PEX26: variants seen among roughly 807,000 people sequenced by gnomAD.
PEX26 encodes the protein peroxisomal biogenesis factor 26.
A neutral mutation model predicts 31.4 loss-of-function variants in PEX26; 18 were observed. The observed-to-expected ratio is 0.57, with a 90% CI of 0.40 to 0.85. The LOEUF is 0.85. PEX26 is among the 40% of genes least tolerant of loss of function. The pLI is 0.00. For missense variants in PEX26, 377 were observed against 383.9 expected (o/e 0.98, Z 0.15); for synonymous variants, 176 against 166.9 (o/e 1.05, Z -0.42).
Position 18,078,581 on chromosome 22 carries a change from G to A in PEX26, c.205G>A (p.Ala69Thr), listed in dbSNP as rs372192286. Residue 69 changes from alanine (A) to threonine (T), a missense_variant, in exon 1 of 5, where the codon GCC becomes ACC. Coordinates refer to ENST00000399744, the MANE Select transcript of PEX26 (RefSeq NM_001127649.3). ...ERAWQSLANH[A>T]VAEEPAGTSL... ...GGCCTGGCAGAGTCTGGCCAACCAC[G>A]CCGTGGCAGAGGAACCCGCGGGCAC... 7 of 1,599,610 alleles carry A rather than the reference G, an allele frequency of 4.4e-6. No homozygotes were observed. Among genetic ancestry groups the A allele is most frequent in the Non-Finnish European group, 6.0e-6 (7 of 1,175,682 alleles).
rs963146393 is a variant in PEX26 at position 18,090,726 on chromosome 22, C to T, written c.*2651C>T. On this transcript the variant is annotated 3_prime_UTR_variant, in exon 5 of 5. Transcript: ENST00000399744. ...GAACAGATACCTTTAAATTTAGGGG[C>T]GCTAAGGAAAGCAGGAACCAGTAAT... 1.4e-5 allele frequency: 2 copies of T among 142,968 alleles called. No homozygotes were observed. The highest frequency in any genetic ancestry group is 2.6e-5 in the African/African-American group (1 of 38,656). The allele number at this position is 142,968 out of a possible 1,614,324, so 8.9% of individuals were successfully genotyped here.
In PEX26 at chr22:18,085,158, G is replaced by A. The variant is rs1159968277; in HGVS notation, c.714G>A (p.Gln238=). ...KFLSLPMLVR[Q]LWDSAVSHFF... is the part of the protein sequence containing the mutation. Reference sequence around the variant, plus strand: ...TGTCACTACCGATGTTGGTTCGCCAGCTTTGGGACTCTGCGGTGAGCCACT... The same window carrying A: ...TGTCACTACCGATGTTGGTTCGCCAACTTTGGGACTCTGCGGTGAGCCACT... The change falls in exon 4 of 5, where the codon CAG becomes CAA. Residue 238 remains glutamine, a synonymous_variant. Transcript: ENST00000399744. 1.2e-6 allele frequency: 2 copies of A among 1,614,068 alleles called. No homozygotes were observed. Among genetic ancestry groups the A allele is most frequent in the East Asian group, 2.2e-5 (1 of 44,886 alleles).
intron 2 of PEX26, among the ~76,000 whole-genome samples, chr22:18,081,930 G>A (rs1272617841): frequency 6.6e-6 from 1 of 152,166 alleles, no homozygotes; most frequent in African/African-American, 2.4e-5. Flanking sequence ...GAGCGAGGTA[G>A]TGTCTCATTG....
chr22:18,097,853 T>C lies in PEX26; in HGVS notation c.*9778T>C, dbSNP rs894525260. The C allele has an allele frequency of 1.3e-5, 2 of 152,238 alleles. No homozygotes were observed. The highest frequency in any genetic ancestry group is 2.9e-5 in the Non-Finnish European group (2 of 68,054). The allele number at this position is 152,238 out of a possible 1,614,324, so 9.4% of individuals were successfully genotyped here. A position where few individuals can be genotyped will look rare whatever the true frequency, so the allele number is the denominator to read the frequency against. On this transcript the variant is annotated 3_prime_UTR_variant, in exon 5 of 5. Transcript: ENST00000399744. ...ACCACACCCAGATGATTTTTTTATT[T>C]TTCAAAGAAGTGGCATGATTTTGAT...
chr22:18,078,331 G>A lies in PEX26; in HGVS notation c.-46G>A, dbSNP rs760205716. 8 of 1,394,174 alleles carry A rather than the reference G, an allele frequency of 5.7e-6. No individual in the cohort carries two copies. Among genetic ancestry groups the A allele is most frequent in the Admixed American group, 5.4e-5 (3 of 55,544 alleles). The allele number at this position is 1,394,174 out of a possible 1,614,324, so 86.4% of individuals were successfully genotyped here. A position where few individuals can be genotyped will look rare whatever the true frequency, so the allele number is the denominator to read the frequency against. ...GATATCCCGGAGCCTCTGGGGAGGC[G>A]GTCACTCCGACGTCTGAGGACCTGG... On this transcript the variant is annotated 5_prime_UTR_variant, in exon 1 of 5. Transcript: ENST00000399744.
At chr22:18,078,808 G>T (rs548829758) in intron 1 of PEX26, 1 of 704,350 alleles carries the variant, frequency 1.4e-6, no homozygotes, top group Non-Finnish European at 2.6e-6. Context: ...ACTTAGTGGG[G>T]ATCCCACAGC....
intron 1 of PEX26, chr22:18,079,010 C>T (rs2123645697): frequency 2.7e-6 from 1 of 371,552 alleles, no homozygotes; most frequent in South Asian, 2.1e-5. Flanking sequence ...GCAGGAGCAG[C>T]GTTCTGGTCC....
In PEX26 at chr22:18,104,930, T is replaced by G. The variant is rs1044617714; in HGVS notation, c.*16855T>G. ...ACTTCCCTTAATCCCCTGCAGCATC[T>G]GAGACACATGGGTGAATGTATGTAA... is the stretch of plus-strand genomic sequence containing the variant. On this transcript the variant is annotated 3_prime_UTR_variant, in exon 5 of 5. Transcript: ENST00000399744. The G allele has an allele frequency of 7.9e-5, 12 of 152,192 alleles. No homozygotes were observed. The highest frequency in any genetic ancestry group is 3.9e-4 in the Admixed American group (6 of 15,244). The allele number at this position is 152,192 out of a possible 1,614,324, so 9.4% of individuals were successfully genotyped here.
rs1011510516 is a variant in PEX26 at position 18,096,351 on chromosome 22, A to G, written c.*8276A>G. On this transcript the variant is annotated 3_prime_UTR_variant, in exon 5 of 5. Transcript: ENST00000399744. ...GAACCCAGCATCTTGTGAACATCAG[A>G]CCACAGAAAAGGCAGCACTTCTGAT... 6.6e-6 allele frequency: 1 copy of G among 152,106 alleles called. No individual in the cohort carries two copies. Among genetic ancestry groups the G allele is most frequent in the African/African-American group, 2.4e-5 (1 of 41,404 alleles). The allele number at this position is 152,106 out of a possible 1,614,324, so 9.4% of individuals were successfully genotyped here. A position where few individuals can be genotyped will look rare whatever the true frequency, so the allele number is the denominator to read the frequency against.
rs898374461 is a variant in PEX26 at position 18,101,618 on chromosome 22, A to C, written c.*13543A>C. ...GACCCTTCCCTAATGCCCAGGATCA[A>C]GAAAAGAATGTGGCCACCTTCCAAG... On this transcript the variant is annotated 3_prime_UTR_variant, in exon 5 of 5. Transcript: ENST00000399744. 4.5e-5 allele frequency: 9 copies of C among 198,082 alleles called. No homozygotes were observed. The highest frequency in any genetic ancestry group is 8.2e-5 in the Non-Finnish European group (8 of 97,098). 12.3% of individuals were successfully genotyped at this position (198,082 alleles called of 1,614,324 possible). A position where few individuals can be genotyped will look rare whatever the true frequency, so the allele number is the denominator to read the frequency against.
chr22:18,080,506 G>C (rs1926524207), intron 2 of PEX26, among the ~76,000 whole-genome samples: 1 of 151,958 alleles, frequency 6.6e-6, no homozygotes, highest in Non-Finnish European at 1.5e-5. Context: ...ATTTTTTTGT[G>C]TTTTAAGTAG....
At position 18,100,552 on chromosome 22, in the gene PEX26, A is replaced by G. The variant is rs1927422908; in HGVS notation, c.*12477A>G. ...TTGTGGCTCCAACTTTAAAACCAGAATAACCAAGTGAAAAGTCAGTACAGA... is the reference window on the plus strand; with the variant it reads ...TTGTGGCTCCAACTTTAAAACCAGAGTAACCAAGTGAAAAGTCAGTACAGA... On this transcript the variant is annotated 3_prime_UTR_variant, in exon 5 of 5. Transcript: ENST00000399744. The G allele has an allele frequency of 6.6e-6, 1 of 152,246 alleles. No homozygotes were observed. Among genetic ancestry groups the G allele is most frequent in the Admixed American group, 6.5e-5 (1 of 15,280 alleles). The allele number at this position is 152,246 out of a possible 1,614,324, so 9.4% of individuals were successfully genotyped here. A position where few individuals can be genotyped will look rare whatever the true frequency, so the allele number is the denominator to read the frequency against.
At position 18,085,125 on chromosome 22, in the gene PEX26, C is replaced by T. The variant is rs1926787883; in HGVS notation, c.681C>T (p.His227=). 2 of 1,614,124 alleles carry T rather than the reference C, an allele frequency of 1.2e-6. No individual in the cohort carries two copies. Among genetic ancestry groups the T allele is most frequent in the Non-Finnish European group, 1.7e-6 (2 of 1,180,014 alleles). The change falls in exon 4 of 5, where the codon CAC becomes CAT. Residue 227 remains histidine, a synonymous_variant. Transcript: ENST00000399744. ...CTCCCTGGCCAGGCTCTGTCTCCCA[C>T]AAGTTCCTGTCACTACCGATGTTGG... ...QKPNLEGSVS[H]KFLSLPMLVR... is the part of the protein sequence containing the mutation.
At position 18,099,202 on chromosome 22, in the gene PEX26, C is replaced by G. The variant is rs1032358352; in HGVS notation, c.*11127C>G. The G allele has an allele frequency of 6.6e-6, 1 of 151,944 alleles. No homozygotes were observed. The highest frequency in any genetic ancestry group is 6.6e-5 in the Admixed American group (1 of 15,248). 9.4% of individuals were successfully genotyped at this position (151,944 alleles called of 1,614,324 possible). A position where few individuals can be genotyped will look rare whatever the true frequency, so the allele number is the denominator to read the frequency against. ...TCTGAAGGACAGGCAAGAGTCCAGC[C>G]CAGGGAAAAAGGTGCAGATGGGTAG... is the stretch of plus-strand genomic sequence containing the variant. On this transcript the variant is annotated 3_prime_UTR_variant, in exon 5 of 5. Coordinates refer to ENST00000399744, the MANE Select transcript of PEX26 (RefSeq NM_001127649.3).
intron 2 of PEX26, among the ~76,000 whole-genome samples, chr22:18,080,819 T>A (rs1926545197): frequency 6.6e-6 from 1 of 152,160 alleles, no homozygotes; most frequent in Admixed American, 6.5e-5. Context: ...ATTTTATATA[T>A]ACAATACCTT....
In PEX26 at chr22:18,085,103, C is replaced by T; in HGVS notation, c.668-9C>T. ...CATCCCTGAAGCTGTGCTCTGTCTC[C>T]CTGGCCAGGCTCTGTCTCCCACAAG... On this transcript the variant is annotated splice_polypyrimidine_tract_variant and intron_variant, in intron 3 of 4. Coordinates refer to ENST00000399744, the MANE Select transcript of PEX26 (RefSeq NM_001127649.3). The T allele has an allele frequency of 6.2e-7, 1 of 1,613,914 alleles. No homozygotes were observed. The highest frequency in any genetic ancestry group is 8.5e-7 in the Non-Finnish European group (1 of 1,179,950).
At chr22:18,078,698 C>CAA in intron 1 of PEX26, 92 bp downstream of exon 1, 1 of 1,176,970 alleles carries the variant, frequency 8.5e-7, no homozygotes, top group Non-Finnish European at 1.2e-6. Flanking sequence ...AGATTGCCCA[C>CAA]AAGGAGCTTT....
rs1285783986 is a variant in PEX26 at position 18,094,885 on chromosome 22, G to A, written c.*6810G>A. The A allele has an allele frequency of 6.6e-6, 1 of 151,440 alleles. No homozygotes were observed. Among genetic ancestry groups the A allele is most frequent in the Non-Finnish European group, 1.5e-5 (1 of 67,944 alleles). 9.4% of individuals were successfully genotyped at this position (151,440 alleles called of 1,614,324 possible). On this transcript the variant is annotated 3_prime_UTR_variant, in exon 5 of 5. Coordinates refer to ENST00000399744, the MANE Select transcript of PEX26 (RefSeq NM_001127649.3). ...ACCCTCCTCTTGGGTTCAAGCCAGC[G>A]AGGTAGATATTATCATTTTAGAGAC...
intron 2 of PEX26, among the ~76,000 whole-genome samples, chr22:18,082,600 A>G (rs977408571): frequency 1.3e-5 from 2 of 152,014 alleles, no homozygotes; most frequent in Non-Finnish European, 2.9e-5. Context: ...GGTTACTGTT[A>G]TAGCTTTGTG....
Sources: allele counts gnomAD v4.1 joint callset (sites outside exome capture counted in the v4.1 genomes callset), GRCh38; gene constraint gnomAD v4.1.1; transcripts MANE v1.5; gene names NCBI Gene and HGNC (gene_info 2026-07-23, HGNC 2026-07-21).